KALRN: variants seen among roughly 807,000 people sequenced by gnomAD.
The protein encoded by KALRN is kalirin.
KALRN carries 70 observed loss-of-function variants against 353.7 expected under a neutral mutation model. The observed-to-expected ratio is 0.20, with a 90% CI of 0.16 to 0.24. The LOEUF (loss-of-function observed/expected upper bound fraction) is 0.24. KALRN is among the 10% of genes least tolerant of loss of function. KALRN has a pLI of 1.00. For missense variants in KALRN, 2,791 were observed against 3,756.7 expected, an observed-to-expected ratio of 0.74 and a Z score of 6.72; for synonymous variants, 1,391 against 1,434.8, an observed-to-expected ratio of 0.97 and a Z score of 0.69.
chr3:124,488,361 A>T (rs758496032), intron 29 of KALRN, 46 bp downstream of exon 29: 2 of 1,237,030 alleles, frequency 1.6e-6, no homozygotes, highest in Non-Finnish European at 1.2e-6. Context: ...CTTCCTTGAC[A>T]CGGGGGAGCT....
chr3:124,070,435 C>T (rs149196830), intron 1 of KALRN, among the ~76,000 whole-genome samples: 312 of 152,270 alleles, frequency 2.0e-3, no homozygotes, highest in African/African-American at 6.9e-3. Context: ...GGAACCTTTG[C>T]TTGAATGTTC....
At chr3:124,703,371 A>T (rs2062438815) in intron 57 of KALRN, among the ~76,000 whole-genome samples, 1 of 152,254 alleles carries the variant, frequency 6.6e-6, no homozygotes, top group African/African-American at 2.4e-5. Flanking sequence ...ATAGTATTCT[A>T]GATACTAAGC....
Position 124,616,740 on chromosome 3 carries a change from C to T in KALRN, c.5183-15680C>T, listed in dbSNP as rs138831827. ...CAGCACTTTGGGAGTCCGAGGTGGGCGGATCATGAGGTCAGGAGATCGAGA... is the reference window on the plus strand; with the variant it reads ...CAGCACTTTGGGAGTCCGAGGTGGGTGGATCATGAGGTCAGGAGATCGAGA... On this transcript the variant is annotated intron_variant, in intron 34 of 59. Transcript: ENST00000682506. Among the ~76,000 whole-genome samples, 1,390 of 152,104 alleles carry T rather than the reference C, an allele frequency of 9.1e-3. 18 individuals carry two copies. The highest frequency in any genetic ancestry group is 0.032 in the African/African-American group (1,316 of 41,498).
intron 3 of KALRN, among the ~76,000 whole-genome samples, chr3:124,239,123 A>T (rs1337984774): frequency 2.0e-5 from 3 of 152,182 alleles, no homozygotes; most frequent in African/African-American, 7.2e-5. Context: ...CTGTCTGCTT[A>T]CAGTTACTTG....
chr3:124,584,776 G>A (rs547636846), intron 34 of KALRN: 2 of 1,567,434 alleles, frequency 1.3e-6, no homozygotes, highest in East Asian at 4.8e-5. Context: ...TCTCACCCCG[G>A]GCTGGCGCCC....
In KALRN at chr3:124,657,517, G is replaced by A; in HGVS notation, c.5932G>A (p.Gly1978Arg). The change falls in exon 40 of 60, where the codon GGA becomes AGA. Residue 1978 changes from glycine to arginine, a missense_variant. Around this residue, in one of 11 missense-constraint regions of KALRN, gnomAD observed 1,065 missense variants for 1,156.4 expected, o/e 0.92. Transcript: ENST00000682506. ...GCGAGGAAAGGACAAAATCGTGTTTGGAAATATTCATCAGATTTATGACTG... is the reference window on the plus strand; with the variant it reads ...GCGAGGAAAGGACAAAATCGTGTTTAGAAATATTCATCAGATTTATGACTG... ...DMRGKDKIVF[G>R]NIHQIYDWHK... 1 of 1,613,970 alleles carries A rather than the reference G, an allele frequency of 6.2e-7. No homozygotes were observed. The highest frequency in any genetic ancestry group is 8.5e-7 in the Non-Finnish European group (1 of 1,179,836).
At position 124,116,216 on chromosome 3, in the gene KALRN, C is replaced by G. The variant is rs534683177; in HGVS notation, c.73+82403C>G. ...GTTCCAGCTGGTAGTCTTTTAGTAG[C>G]ATTTTATTAGTCATGCAAGGGCCAG... On this transcript the variant is annotated intron_variant, in intron 1 of 59. Coordinates refer to ENST00000682506, the MANE Select transcript of KALRN (RefSeq NM_001388419.1). Among the ~76,000 whole-genome samples, 5 of 152,224 alleles carry G rather than the reference C, an allele frequency of 3.3e-5. No homozygotes were observed. The South Asian group carries it at 1.0e-3, about 32-fold the overall frequency.
At chr3:124,346,586 C>G (rs1550756) in intron 9 of KALRN, among the ~76,000 whole-genome samples, 92,728 of 152,020 alleles carry the variant, frequency 0.61, 28,681 homozygotes, top group Middle Eastern at 0.8. Flanking sequence ...AGAGGGGGCT[C>G]TTGTCCTAGT....
In KALRN at chr3:124,698,450, TG is replaced by T. The variant is rs372776079; in HGVS notation, c.7831+728del. On this transcript the variant is annotated intron_variant, in intron 55 of 59. Coordinates refer to ENST00000682506, the MANE Select transcript of KALRN (RefSeq NM_001388419.1). ...GATCCCAGATGTCGAGCAGCTGTTT[TG>T]GCTAAGATGATCCAAACCTCCCTGA... 7.9e-4 allele frequency among the ~76,000 whole-genome samples: 121 copies of T among 152,352 alleles called. No individual in the cohort carries two copies. The Middle Eastern group carries it at 0.014, about 17-fold the overall frequency.
At chr3:124,379,323 A>G (rs1030410427) in intron 10 of KALRN, among the ~76,000 whole-genome samples, 4 of 152,084 alleles carry the variant, frequency 2.6e-5, no homozygotes, top group Non-Finnish European at 5.9e-5. Flanking sequence ...CTTAACATCT[A>G]TTTCAGCTCT....
chr3:124,504,370 A>G (rs1341763402), intron 33 of KALRN, among the ~76,000 whole-genome samples: 1 of 152,186 alleles, frequency 6.6e-6, no homozygotes, highest in Non-Finnish European at 1.5e-5. Flanking sequence ...AACCAGGTCA[A>G]TCTCCTGCCT....
At chr3:124,192,765 G>A (rs2075065658) in intron 1 of KALRN, among the ~76,000 whole-genome samples, 1 of 152,208 alleles carries the variant, frequency 6.6e-6, no homozygotes, top group Middle Eastern at 3.2e-3. Flanking sequence ...CAAGAGGCCG[G>A]CCATCTGCAA....
intron 6 of KALRN, among the ~76,000 whole-genome samples, chr3:124,324,959 C>G (rs779749405): frequency 1.4e-4 from 21 of 152,264 alleles, no homozygotes; most frequent in Non-Finnish European, 2.2e-4. Flanking sequence ...TTGTGTGATT[C>G]GGAAAAGCTC....
intron 33 of KALRN, among the ~76,000 whole-genome samples, chr3:124,533,891 A>G (rs562056603): frequency 9.2e-5 from 14 of 152,056 alleles, no homozygotes; most frequent in African/African-American, 3.4e-4. Flanking sequence ...TTCACAGTGG[A>G]GAAATCTGGC....
intron 34 of KALRN, among the ~76,000 whole-genome samples, chr3:124,614,299 C>CA (rs2078317556): frequency 6.6e-6 from 1 of 151,164 alleles, no homozygotes; most frequent in African/African-American, 2.4e-5. Context: ...GACAGGGTCT[C>CA]ACTCTGTTTC....
chr3:124,415,890 T>C (rs1305611206), intron 14 of KALRN, among the ~76,000 whole-genome samples: 1 of 152,144 alleles, frequency 6.6e-6, no homozygotes, highest in African/African-American at 2.4e-5. Flanking sequence ...GTTAACAAAA[T>C]CTCCAGGTAA....
chr3:124,117,196 C>A lies in KALRN; in HGVS notation c.73+83383C>A, dbSNP rs1309050450. On this transcript the variant is annotated intron_variant, in intron 1 of 59. Transcript: ENST00000682506. ...CAGACCTTGCAGGCTTCCTTCTGAT[C>A]TGCATCAGCTCAGAGGGAGAGAAGG... is the stretch of plus-strand genomic sequence containing the variant. 2.0e-5 allele frequency among the ~76,000 whole-genome samples: 3 copies of A among 152,218 alleles called. No homozygotes were observed. The East Asian group carries it at 5.8e-4, about 29-fold the overall frequency.
At chr3:124,633,769 T>G in intron 35 of KALRN, 83 bp from the exon 36 acceptor site, 5 of 1,115,202 alleles carry the variant, frequency 4.5e-6, no homozygotes, top group Non-Finnish European at 6.6e-6. Context: ...TCTCCTCCTA[T>G]GTATTATTTT....
At chr3:124,281,064 AAAG>A (rs1330884707) in intron 5 of KALRN, among the ~76,000 whole-genome samples, 2 of 152,212 alleles carry the variant, frequency 1.3e-5, no homozygotes, top group Non-Finnish European at 2.9e-5. Context: ...ATAATAAAAA[AAAG>A]AAAAAAAACA....
Sources: allele counts gnomAD v4.1 joint callset (sites outside exome capture counted in the v4.1 genomes callset), GRCh38; gene constraint gnomAD v4.1.1; regional missense constraint gnomAD v4.1.1; transcripts MANE v1.5; gene names NCBI Gene and HGNC (gene_info 2026-07-23, HGNC 2026-07-21).